The following C10orf90 variants were observed in gnomAD, a reference collection of about 807,000 sequenced individuals.
The protein encoded by C10orf90 is (E2-independent) E3 ubiquitin-conjugating enzyme FATS.
Under a neutral mutation model 62.5 loss-of-function variants are expected in C10orf90, and 56 were observed. The observed-to-expected ratio is 0.90, with a 90% CI of 0.72 to 1.12. The LOEUF (loss-of-function observed/expected upper bound fraction) is 1.12. C10orf90 is among the 50% of genes most tolerant of loss of function. The pLI is 0.00. For synonymous variants in C10orf90, 386 were observed against 340.4 expected (o/e 1.13, Z -1.47); for missense variants, 970 against 880.4 (o/e 1.10, Z -1.29).
At chr10:126,455,723 A>G (rs2134086941) in intron 7 of C10orf90, among the ~76,000 whole-genome samples, 1 of 152,308 alleles carries the variant, frequency 6.6e-6, no homozygotes, top group East Asian at 1.9e-4. Flanking sequence ...TGATGATGCT[A>G]CTTCCTGGTC....
At chr10:126,431,454 C>T (rs150232682) in intron 7 of C10orf90, among the ~76,000 whole-genome samples, 4 of 152,294 alleles carry the variant, frequency 2.6e-5, no homozygotes, top group Non-Finnish European at 5.9e-5. Flanking sequence ...GTCCCTGCTC[C>T]AGGCAGCACC....
intron 2 of C10orf90, among the ~76,000 whole-genome samples, chr10:126,579,093 CT>C (rs1449630421): frequency 6.6e-6 from 1 of 151,746 alleles, no homozygotes; most frequent in East Asian, 1.9e-4. Context: ...CCTATCAGCT[CT>C]GCTCTTATGG....
chr10:126,483,229 C>T (rs74158273), intron 4 of C10orf90, among the ~76,000 whole-genome samples: 3,488 of 152,346 alleles, frequency 0.023, 154 homozygotes, highest in African/African-American at 0.079. Flanking sequence ...TTTCATTCTT[C>T]GCAGGTGAGC....
chr10:126,636,864 C>T (rs541992832), intron 2 of C10orf90, among the ~76,000 whole-genome samples: 1 of 152,250 alleles, frequency 6.6e-6, no homozygotes, highest in East Asian at 1.9e-4. Flanking sequence ...TTCACCAAAA[C>T]AAGCAGCATT....
Position 126,504,085 on chromosome 10 carries a change from T to A in C10orf90, c.1406A>T (p.Glu469Val). 6.2e-7 allele frequency: 1 copy of A among 1,614,134 alleles called. No individual in the cohort carries two copies. Among genetic ancestry groups the A allele is most frequent in the Non-Finnish European group, 8.5e-7 (1 of 1,180,022 alleles). ...TTGGTTAGCTCCCACATTTGCCAATTCTGTGTTTTCCAATGGAAAAGAACC... is the reference window on the plus strand; with the variant it reads ...TTGGTTAGCTCCCACATTTGCCAATACTGTGTTTTCCAATGGAAAAGAACC... Reference protein sequence around the residue: ...WSGSFPLENTELANVGANQVT... With the variant: ...WSGSFPLENTVLANVGANQVT... Residue 469 changes from glutamate (E) to valine (V), a missense_variant, in exon 4 of 10, where the codon GAA becomes GTA. Coordinates refer to ENST00000488181, the MANE Select transcript of C10orf90 (RefSeq NM_001350921.2). This position sits in a 1 kb window ranked among gnomAD's most constrained non-coding sequence, Gnocchi z 4.1.
chr10:126,464,627 G>A, intron 5 of C10orf90, 69 bp downstream of exon 5: 1 of 1,482,254 alleles, frequency 6.7e-7, no homozygotes, highest in East Asian at 2.3e-5. Context: ...CGAGGTCCAG[G>A]TAGGCAATCA....
chr10:126,477,088 T>C (rs867389603), intron 4 of C10orf90, among the ~76,000 whole-genome samples: 165 of 53,186 alleles, frequency 3.1e-3, no homozygotes, highest in African/African-American at 0.013. Flanking sequence ...TTTTTTTTTT[T>C]TTTTTTTTTT....
chr10:126,579,003 T>C (rs556824869), intron 2 of C10orf90, among the ~76,000 whole-genome samples: 2 of 152,094 alleles, frequency 1.3e-5, no homozygotes, highest in Admixed American at 6.5e-5. Flanking sequence ...TGAAAACTCA[T>C]GAGACTGTAC....
At chr10:126,637,494 G>A (rs1487684793) in intron 2 of C10orf90, among the ~76,000 whole-genome samples, 1 of 152,230 alleles carries the variant, frequency 6.6e-6, no homozygotes, top group East Asian at 1.9e-4. Flanking sequence ...TTTGGATGGA[G>A]GAGCAAGTAT....
chr10:126,547,101 T>A (rs1864511039), intron 2 of C10orf90, among the ~76,000 whole-genome samples: 2 of 151,348 alleles, frequency 1.3e-5, no homozygotes, highest in African/African-American at 2.4e-5. Flanking sequence ...AGAGCGAGAC[T>A]CCGTCTCCAA....
At chr10:126,598,398 CT>C (rs905123084) in intron 2 of C10orf90, among the ~76,000 whole-genome samples, 73 of 149,536 alleles carry the variant, frequency 4.9e-4, no homozygotes, top group South Asian at 8.5e-4. Context: ...CTCTTGACAT[CT>C]TTTTTTTTTA....
intron 2 of C10orf90, among the ~76,000 whole-genome samples, chr10:126,596,941 A>G (rs2134035483): frequency 6.6e-6 from 1 of 152,330 alleles, no homozygotes; most frequent in African/African-American, 2.4e-5. Context: ...AAATAGGCAC[A>G]CAAAGAGATG....
chr10:126,536,554 G>A (rs1262924214), intron 2 of C10orf90, among the ~76,000 whole-genome samples: 3 of 152,118 alleles, frequency 2.0e-5, no homozygotes, highest in Non-Finnish European at 4.4e-5. Flanking sequence ...CAGGGAGTTC[G>A]ACCCAGACTG....
At chr10:126,521,280 GA>G (rs755337609) in intron 2 of C10orf90, 51 of 1,613,350 alleles carry the variant, frequency 3.2e-5, no homozygotes, top group Non-Finnish European at 4.1e-5. Flanking sequence ...TATATCTGTG[GA>G]AAAAAATTAG....
At chr10:126,667,742 G>A (rs1442956367) in intron 1 of C10orf90, among the ~76,000 whole-genome samples, 1 of 152,196 alleles carries the variant, frequency 6.6e-6, no homozygotes, top group East Asian at 1.9e-4. Flanking sequence ...GCGGACAGAA[G>A]GCAGAGCTCC....
At chr10:126,481,986 CCAAGA>C (rs1861186713) in intron 4 of C10orf90, among the ~76,000 whole-genome samples, 1 of 152,194 alleles carries the variant, frequency 6.6e-6, no homozygotes, top group Non-Finnish European at 1.5e-5. Flanking sequence ...AAAAGAGAAG[CCAAGA>C]CGAGTCTGAA....
At chr10:126,463,699 C>G (rs1860129827) in intron 5 of C10orf90, among the ~76,000 whole-genome samples, 1 of 152,230 alleles carries the variant, frequency 6.6e-6, no homozygotes, top group Non-Finnish European at 1.5e-5. Context: ...CTTTCAAGTT[C>G]CTGCTCAAAT....
chr10:126,502,129 C>A (rs1354034526), intron 4 of C10orf90, among the ~76,000 whole-genome samples: 8 of 150,812 alleles, frequency 5.3e-5, no homozygotes, highest in Admixed American at 5.3e-4. Context: ...CACACACACA[C>A]AACACACACA....
At position 126,505,477 on chromosome 10, in the gene C10orf90, G is replaced by A. The variant is rs76000362; in HGVS notation, c.406-392C>T. On this transcript the variant is annotated intron_variant, in intron 3 of 9. Coordinates refer to ENST00000488181, the MANE Select transcript of C10orf90 (RefSeq NM_001350921.2). ...ATTCTGGAGGTGGCTGGAACTTGGG[G>A]CCACAGGTTTATGTGGGAGATTAGT... Among the ~76,000 whole-genome samples, 1,047 of 152,304 alleles carry A rather than the reference G, an allele frequency of 6.9e-3. 11 individuals carry two copies. The highest frequency in any genetic ancestry group is 0.024 in the African/African-American group (977 of 41,550).
Sources: gnomAD v4.1 joint callset for allele counts (sites outside exome capture counted in the v4.1 genomes callset) on GRCh38, gnomAD v4.1.1 for gene constraint, Gnocchi (gnomAD v3.1) non-coding constraint, MANE v1.5 for transcripts, NCBI Gene and HGNC (gene_info 2026-07-23, HGNC 2026-07-21) for gene names.